CEP350: variants seen among roughly 807,000 people sequenced by gnomAD.
CEP350 encodes the protein centrosome-associated protein 350.
Under a neutral mutation model 331.8 loss-of-function variants are expected in CEP350, and 126 were observed. That is an observed-to-expected ratio of 0.38 (90% CI 0.33 to 0.44). The LOEUF (loss-of-function observed/expected upper bound fraction) is 0.44. CEP350 is among the 20% of genes least tolerant of loss of function. The probability of loss-of-function intolerance (pLI) is 1.00; values close to 1 mark genes in which losing one functional copy is unlikely to be tolerated. For synonymous variants in CEP350, 1,200 were observed against 1,259.5 expected, an observed-to-expected ratio of 0.95 and a Z score of 1.00; for missense variants, 3,406 against 3,634.6, an observed-to-expected ratio of 0.94 and a Z score of 1.62.
intron 26 of CEP350, among the ~76,000 whole-genome samples, chr1:180,063,544 T>TC (rs1445202590): frequency 6.6e-6 from 1 of 151,558 alleles, no homozygotes; most frequent in African/African-American, 2.4e-5. Flanking sequence ...GTGCCGTAAC[T>TC]CAAACACCTG....
intron 27 of CEP350, chr1:180,073,920 C>G: frequency 1.5e-6 from 2 of 1,304,478 alleles, no homozygotes; most frequent in Non-Finnish European, 2.0e-6. Flanking sequence ...TAACTTTGCA[C>G]CTTTTTCAGT....
intron 6 of CEP350, among the ~76,000 whole-genome samples, chr1:180,001,445 G>C (rs930105447): frequency 6.6e-6 from 1 of 152,086 alleles, no homozygotes; most frequent in Non-Finnish European, 1.5e-5. Flanking sequence ...TTTTGGTAGA[G>C]ATGGGGTTTC....
chr1:179,972,391 G>A (rs1441770553), intron 1 of CEP350, among the ~76,000 whole-genome samples: 1 of 152,206 alleles, frequency 6.6e-6, no homozygotes, highest in Non-Finnish European at 1.5e-5. Context: ...GTGGGAAGAT[G>A]TATGTATTGT....
chr1:179,969,149 T>C (rs754477520), intron 1 of CEP350: 38 of 640,916 alleles, frequency 5.9e-5, no homozygotes, highest in Non-Finnish European at 1.0e-4. Flanking sequence ...CTCAGTGGGT[T>C]TGATATGGTG....
chr1:180,084,225 G>T, intron 31 of CEP350, 47 bp downstream of exon 31: 1 of 1,453,724 alleles, frequency 6.9e-7, no homozygotes. Context: ...TAATGTGTAT[G>T]TGACGTCTAA....
In CEP350 at chr1:179,965,618, T is replaced by C. The variant is rs1464013657; in HGVS notation, c.-14+10476T>C. ...TGATCTTTTTTCTTTTTCTTTTCTT[T>C]TTTTTTTTTTTTTTTTTTTGAGATA... On this transcript the variant is annotated intron_variant, in intron 1 of 37. Transcript: ENST00000367607. 2.6e-5 allele frequency among the ~76,000 whole-genome samples: 3 copies of C among 114,918 alleles called. No homozygotes were observed. The East Asian group carries it at 7.1e-4, about 27-fold the overall frequency. 75.4% of individuals were successfully genotyped at this position (114,918 alleles called of 152,430 possible). A position where few individuals can be genotyped will look rare whatever the true frequency, so the allele number is the denominator to read the frequency against.
rs1369125632 is a variant in CEP350, at chr1:180,093,867, T to C, written c.7762T>C (p.Tyr2588His). The C allele has an allele frequency of 6.2e-7, 1 of 1,613,784 alleles. No homozygotes were observed. The highest frequency in any genetic ancestry group is 8.5e-7 in the Non-Finnish European group (1 of 1,179,882). ...EDEDCYSDER[Y>H]QCYNQEQNDT... is the part of the protein sequence containing the mutation. Reference sequence around the variant, plus strand: ...TGAAGACTGTTACTCAGATGAACGATATCAGTGCTATAATCAAGAGCAAAA... The same window carrying C: ...TGAAGACTGTTACTCAGATGAACGACATCAGTGCTATAATCAAGAGCAAAA... The change falls in exon 34 of 38, where the codon TAT (tyrosine) becomes CAT (histidine). Residue 2588 changes from tyrosine (Y) to histidine (H), a missense_variant. Physicochemically the swap from Tyr to His is moderately conservative, Grantham distance 83. Around this residue, in one of 5 missense-constraint regions of CEP350, gnomAD observed 1,415 missense variants for 1,512.3 expected, o/e 0.94. Transcript: ENST00000367607.
At chr1:179,960,896 A>G (rs928058528) in intron 1 of CEP350, among the ~76,000 whole-genome samples, 1 of 151,970 alleles carries the variant, frequency 6.6e-6, no homozygotes, top group African/African-American at 2.4e-5. Flanking sequence ...ACTGTTAGGT[A>G]TTTTTTTGGC....
In CEP350 at chr1:180,093,819, G is replaced by T; in HGVS notation, c.7714G>T (p.Asp2572Tyr). 2 of 1,613,822 alleles carry T rather than the reference G, an allele frequency of 1.2e-6. No individual in the cohort carries two copies. Among genetic ancestry groups the T allele is most frequent in the South Asian group, 2.2e-5 (2 of 91,038 alleles). Residue 2572 changes from aspartate to tyrosine, a missense_variant, in exon 34 of 38, where the codon GAC (aspartate) becomes TAC (tyrosine). Physicochemically the swap from Asp to Tyr is radical, Grantham distance 160. Around this residue, in one of 5 missense-constraint regions of CEP350, gnomAD observed 1,415 missense variants for 1,512.3 expected, o/e 0.94. Transcript: ENST00000367607. Reference protein sequence around the residue: ...KISHIPENFDDYVDINEDEDC... With the variant: ...KISHIPENFDYYVDINEDEDC... ...ATCTCACATTCCAGAAAACTTTGAT[G>T]ACTATGTAGACATTAATGAAGATGA...
At position 180,076,019 on chromosome 1, in the gene CEP350, C is replaced by G. The variant is rs548131993; in HGVS notation, c.5767+798C>G. The stretch of plus-strand genomic sequence containing the variant: ...AAACTTGAAAACTTAGAAAAAATGG[C>G]TAAATTCTTCTAAAAAATACAACTT... On this transcript the variant is annotated intron_variant, in intron 28 of 37. Transcript: ENST00000367607. Among the ~76,000 whole-genome samples the G allele has an allele frequency of 2.1e-4, 32 of 151,814 alleles. No homozygotes were observed. In the South Asian group the frequency reaches 3.1e-3, roughly 15 times the overall value.
intron 34 of CEP350, 36 bp from the exon 35 acceptor site, chr1:180,095,487 A>G: frequency 1.3e-6 from 2 of 1,568,122 alleles, no homozygotes; most frequent in Non-Finnish European, 1.7e-6. Flanking sequence ...TGAGGTCCCT[A>G]AATGGTGCTC....
rs750258467 is a variant in CEP350 at position 180,011,919 on chromosome 1, A to AT, written c.1247-3dup. 2.4e-4 allele frequency: 377 copies of AT among 1,572,066 alleles called. No homozygotes were observed. Among genetic ancestry groups the AT allele is most frequent in the Non-Finnish European group, 3.1e-4 (361 of 1,159,374 alleles). ...TTAAGTTTTAATTTCAGTGCCATGT[A>AT]TTTTTTTAGGTAGTAGTCATCTTAT... On this transcript the variant is annotated splice_polypyrimidine_tract_variant and intron_variant, in intron 8 of 37. Coordinates refer to ENST00000367607, the MANE Select transcript of CEP350 (RefSeq NM_014810.5).
Position 180,024,495 on chromosome 1 carries a change from C to T in CEP350, c.3463C>T (p.Gln1155Ter). The change falls in exon 14 of 38, where the codon CAG becomes TAG. Residue 1155 changes from glutamine to a stop codon, truncating the protein, a stop_gained. Transcript: ENST00000367607. LOFTEE classifies it high-confidence loss of function. ...YDPSSVDVTS[Q>*]HSSGAQSAAS... ...TCCTTCCTCTGTGGATGTTACCTCC[C>T]AGCATTCATCAGGAGCCCAGTCTGC... The T allele has an allele frequency of 6.2e-7, 1 of 1,613,454 alleles. No homozygotes were observed. Among genetic ancestry groups the T allele is most frequent in the Non-Finnish European group, 8.5e-7 (1 of 1,179,670 alleles).
chr1:179,996,548 T>C lies in CEP350; in HGVS notation c.396-5T>C. ...AGTCACAGAGCTTATTATTTTTTAT[T>C]GTAGGGAAATCCATGGTGCACCTTC... On this transcript the variant is annotated splice_polypyrimidine_tract_variant and splice_region_variant and intron_variant, in intron 5 of 37. Coordinates refer to ENST00000367607, the MANE Select transcript of CEP350 (RefSeq NM_014810.5). 1 of 1,528,648 alleles carries C rather than the reference T, an allele frequency of 6.5e-7. No individual in the cohort carries two copies. The highest frequency in any genetic ancestry group is 8.8e-7 in the Non-Finnish European group (1 of 1,131,960). 94.7% of individuals were successfully genotyped at this position (1,528,648 alleles called of 1,614,324 possible).
intron 16 of CEP350, among the ~76,000 whole-genome samples, chr1:180,035,491 T>C (rs1656290795): frequency 6.6e-6 from 1 of 152,210 alleles, no homozygotes; most frequent in Admixed American, 6.5e-5. Context: ...AGCTGATGAC[T>C]TAAAGTTGAA....
intron 26 of CEP350, among the ~76,000 whole-genome samples, chr1:180,064,010 T>C (rs927322949): frequency 1.3e-5 from 2 of 152,192 alleles, no homozygotes; most frequent in South Asian, 2.1e-4. Context: ...CAAATTAACA[T>C]TGATACATTA....
At position 180,087,345 on chromosome 1, in the gene CEP350, A is replaced by G. The variant is rs1177629763; in HGVS notation, c.6286-233A>G. 11 of 292,118 alleles carry G rather than the reference A, an allele frequency of 3.8e-5. No individual in the cohort carries two copies. The South Asian group carries it at 4.1e-4, about 11-fold the overall frequency. 18.1% of individuals were successfully genotyped at this position (292,118 alleles called of 1,614,324 possible). ...CTGTAGATTCGCAATGTCATTTCTT[A>G]ATTGATACTGGAATTACAATTATAT... On this transcript the variant is annotated intron_variant, in intron 31 of 37. Transcript: ENST00000367607.
chr1:180,106,551 C>A (rs943832276), intron 37 of CEP350, among the ~76,000 whole-genome samples: 3 of 151,970 alleles, frequency 2.0e-5, no homozygotes, highest in Non-Finnish European at 2.9e-5. Flanking sequence ...CAGAGTTAGC[C>A]TTATAATGTT....
At chr1:180,078,211 T>A (rs572717395) in intron 28 of CEP350, among the ~76,000 whole-genome samples, 44 of 151,954 alleles carry the variant, frequency 2.9e-4, no homozygotes, top group Non-Finnish European at 5.3e-4. Context: ...TGCAGAAACT[T>A]ACTTTACCAT....
Sources: allele counts gnomAD v4.1 joint callset (sites outside exome capture counted in the v4.1 genomes callset), GRCh38; gene constraint gnomAD v4.1.1; regional missense constraint gnomAD v4.1.1; transcripts MANE v1.5; gene names NCBI Gene and HGNC (gene_info 2026-07-23, HGNC 2026-07-21).